Variants in CLIP2 observed in about 807,000 individuals in gnomAD.
CLIP2 encodes CAP-Gly domain containing linker protein 2.
CLIP2 carries 41 observed loss-of-function variants against 111.7 expected under a neutral mutation model. The ratio of observed to expected loss-of-function variants is 0.37; its 90% CI spans 0.29 to 0.48. CLIP2 has a LOEUF of 0.48. Among genes scored for constraint, CLIP2 ranks in the 20% least tolerant of loss-of-function variants. CLIP2 has a pLI of 0.99. For missense variants in CLIP2, 1,160 were observed against 1,422.1 expected (o/e 0.82, Z 2.96); for synonymous variants, 660 against 644.2 (o/e 1.02, Z -0.37).
intron 2 of CLIP2, among the ~76,000 whole-genome samples, chr7:74,337,202 C>T (rs1034631219): frequency 4.6e-5 from 7 of 152,004 alleles, no homozygotes; most frequent in East Asian, 1.9e-4. Flanking sequence ...TTCCACTTTC[C>T]GGGGTCTGTG....
intron 3 of CLIP2, among the ~76,000 whole-genome samples, chr7:74,353,253 CT>C (rs199943133): frequency 0.032 from 4,527 of 142,482 alleles, 59 homozygotes; most frequent in Admixed American, 0.052. Context: ...CACGAAAACC[CT>C]TTTTTTTTTT....
intron 7 of CLIP2, 119 bp downstream of exon 7, chr7:74,360,397 G>A: frequency 1.5e-6 from 1 of 681,204 alleles, no homozygotes; most frequent in East Asian, 2.9e-5. Context: ...GCCTCTGGCT[G>A]TGTCACCCTG....
chr7:74,299,733 T>C (rs1429101474), intron 1 of CLIP2, among the ~76,000 whole-genome samples: 24 of 151,928 alleles, frequency 1.6e-4, no homozygotes, highest in Non-Finnish European at 1.2e-4. Context: ...AGTTTCGCTC[T>C]TGTTGCCTAG....
At chr7:74,361,449 T>C (rs1424115171) in intron 7 of CLIP2, among the ~76,000 whole-genome samples, 1 of 151,934 alleles carries the variant, frequency 6.6e-6, no homozygotes, top group African/African-American at 2.4e-5. Flanking sequence ...ACTCCTGATC[T>C]CAGGTGATCC....
At chr7:74,290,875 A>G (rs923209567) in intron 1 of CLIP2, among the ~76,000 whole-genome samples, 3 of 152,086 alleles carry the variant, frequency 2.0e-5, no homozygotes, top group Non-Finnish European at 4.4e-5. Flanking sequence ...GTGTCCCCAA[A>G]AAGTGCAGCC....
At chr7:74,360,420 TA>T in intron 7 of CLIP2, 142 bp downstream of exon 7, 1 of 602,060 alleles carries the variant, frequency 1.7e-6, no homozygotes, top group South Asian at 1.9e-5. Context: ...CTGGTGACAT[TA>T]ACTCTTGGGC....
chr7:74,349,505 TA>T, intron 3 of CLIP2, among the ~76,000 whole-genome samples: 1 of 133,954 alleles, frequency 7.5e-6, no homozygotes, highest in Admixed American at 7.7e-5. Context: ...TATATATATA[TA>T]TATATGTAAA....
chr7:74,332,946 C>A (rs985589710), intron 2 of CLIP2, among the ~76,000 whole-genome samples: 5 of 152,158 alleles, frequency 3.3e-5, no homozygotes, highest in African/African-American at 1.2e-4. Context: ...AAAGCCAGTC[C>A]CCACCTCCAC....
chr7:74,324,153 C>T (rs937535135), intron 2 of CLIP2, among the ~76,000 whole-genome samples: 21 of 152,084 alleles, frequency 1.4e-4, no homozygotes, highest in Admixed American at 5.9e-4. Flanking sequence ...TCACCATGCC[C>T]GGCTAATTTT....
At chr7:74,371,803 C>T (rs1167391460) in intron 8 of CLIP2, among the ~76,000 whole-genome samples, 1 of 151,628 alleles carries the variant, frequency 6.6e-6, no homozygotes, top group Non-Finnish European at 1.5e-5. Context: ...TTTTGTTGTT[C>T]CTTAAGGAAA....
At chr7:74,361,175 C>CA in intron 7 of CLIP2, among the ~76,000 whole-genome samples, 1 of 100,622 alleles carries the variant, frequency 9.9e-6, no homozygotes, top group Admixed American at 1.2e-4. Flanking sequence ...TCCCTCCCTT[C>CA]TTTCCTTCCT....
chr7:74,391,784 C>T (rs1791298133), intron 13 of CLIP2, among the ~76,000 whole-genome samples: 1 of 151,826 alleles, frequency 6.6e-6, no homozygotes, highest in Non-Finnish European at 1.5e-5. Flanking sequence ...TGTGCCACTG[C>T]ACTCCAGCCT....
chr7:74,401,410 T>TG, intron 15 of CLIP2, 95 bp from the exon 16 acceptor site: 3 of 1,239,056 alleles, frequency 2.4e-6, no homozygotes, highest in Non-Finnish European at 3.5e-6. Flanking sequence ...ATTTGGAGCC[T>TG]GAGACGGTCC....
chr7:74,348,041 G>C (rs916791204), intron 3 of CLIP2, among the ~76,000 whole-genome samples: 1 of 151,990 alleles, frequency 6.6e-6, no homozygotes, highest in Admixed American at 6.6e-5. Context: ...CTAGCTGGGC[G>C]TGGTGGCAGG....
intron 2 of CLIP2, among the ~76,000 whole-genome samples, chr7:74,327,284 G>A (rs1789140055): frequency 6.6e-6 from 1 of 151,978 alleles, no homozygotes; most frequent in South Asian, 2.1e-4. Context: ...TGTATTTTTA[G>A]TAGAGTTGGG....
intron 11 of CLIP2, among the ~76,000 whole-genome samples, chr7:74,383,911 C>G (rs1267587439): frequency 8.5e-5 from 13 of 152,166 alleles, no homozygotes; most frequent in African/African-American, 3.1e-4. Context: ...TCCTCTCCCC[C>G]CAGCCCATCA....
rs1306557485 is a variant in CLIP2 at position 74,311,917 on chromosome 7, T to TA, written c.-67-5548dup. Among the ~76,000 whole-genome samples the TA allele has an allele frequency of 8.8e-3, 436 of 49,736 alleles. 2 individuals are homozygous for TA. The highest frequency in any genetic ancestry group is 0.021 in the African/African-American group (376 of 17,936). 32.6% of individuals were successfully genotyped at this position (49,736 alleles called of 152,430 possible). A position where few individuals can be genotyped will look rare whatever the true frequency, so the allele number is the denominator to read the frequency against. On this transcript the variant is annotated intron_variant, in intron 1 of 16. Coordinates refer to ENST00000223398, the MANE Select transcript of CLIP2 (RefSeq NM_003388.5). ...ATAGAGCAAGACCACATCTCAAGAA[T>TA]AAAAAAAAAAAAAAAGAAAGAAAGA...
intron 2 of CLIP2, among the ~76,000 whole-genome samples, chr7:74,336,874 T>TG (rs1554732211): frequency 0.013 from 666 of 49,486 alleles, 3 homozygotes; most frequent in African/African-American, 0.027. Flanking sequence ...TTTTTTTTTT[T>TG]GTTTTTTTTT....
chr7:74,357,617 A>T (rs1790186251), intron 6 of CLIP2, 140 bp downstream of exon 6: 6 of 725,414 alleles, frequency 8.3e-6, no homozygotes, highest in Non-Finnish European at 1.4e-5. Context: ...CCCGCTTTCC[A>T]GAGATAAGCC....
Sources: gnomAD v4.1 joint callset for allele counts (sites outside exome capture counted in the v4.1 genomes callset) on GRCh38, gnomAD v4.1.1 for gene constraint, MANE v1.5 for transcripts, NCBI Gene and HGNC (gene_info 2026-07-23, HGNC 2026-07-21) for gene names.